Variants in PAG1 observed in about 807,000 individuals in gnomAD.
The protein encoded by PAG1 is phosphoprotein membrane anchor with glycosphingolipid microdomains 1, also known as phosphoprotein associated with glycosphingolipid-enriched microdomains 1.
In PAG1, 23 loss-of-function variants were observed where a neutral mutation model predicts 31.7. That is an observed-to-expected ratio of 0.73 (90% CI 0.52 to 1.03). The LOEUF is 1.03. PAG1 is among the 50% of genes least tolerant of loss of function. The pLI, the probability that PAG1 is intolerant of heterozygous loss-of-function variation, is 0.00. For synonymous variants in PAG1, 214 were observed against 210.3 expected (o/e 1.02, Z -0.15); for missense variants, 473 against 540.7 (o/e 0.87, Z 1.24).
intron 1 of PAG1, among the ~76,000 whole-genome samples, chr8:81,072,183 G>C (rs746607213): frequency 5.9e-5 from 9 of 152,338 alleles, no homozygotes; most frequent in Admixed American, 3.3e-4. Context: ...GGAAACTGTA[G>C]TGTGCTTGTA....
At position 80,969,261 on chromosome 8, in the gene PAG1, G is replaced by A. The variant is rs894136988; in HGVS notation, c.*7283C>T. On this transcript the variant is annotated 3_prime_UTR_variant, in exon 9 of 9. Transcript: ENST00000220597. ...TTAAAAAAAGCAAGCATGCTTAAGG[G>A]ATGGGTCATGAACACCACATCAGGT... 3 of 152,216 alleles carry A rather than the reference G, an allele frequency of 2.0e-5. No individual in the cohort carries two copies. The highest frequency in any genetic ancestry group is 1.9e-4 in the East Asian group (1 of 5,192). 9.4% of individuals were successfully genotyped at this position (152,216 alleles called of 1,614,324 possible).
intron 2 of PAG1, among the ~76,000 whole-genome samples, chr8:81,049,120 T>A (rs1358787512): frequency 6.6e-6 from 1 of 152,212 alleles, no homozygotes; most frequent in Non-Finnish European, 1.5e-5. Context: ...TAATTACACA[T>A]TGAGCAAGAA....
intron 1 of PAG1, among the ~76,000 whole-genome samples, chr8:81,077,847 T>C (rs1166476348): frequency 3.3e-5 from 5 of 152,136 alleles, no homozygotes; most frequent in East Asian, 3.9e-4. Context: ...ATTTCCTAAA[T>C]AAACCCTGGG....
In PAG1 at chr8:80,977,537, G is replaced by A. The variant is rs768696501; in HGVS notation, c.937-631C>T. 5.9e-5 allele frequency among the ~76,000 whole-genome samples: 9 copies of A among 152,320 alleles called. No homozygotes were observed. The South Asian group carries it at 6.2e-4, about 11-fold the overall frequency. On this transcript the variant is annotated intron_variant, in intron 8 of 8. Coordinates refer to ENST00000220597, the MANE Select transcript of PAG1 (RefSeq NM_018440.4). ...CTCCAACACCCGTTGCTGGATTCTC[G>A]TTGGTGGTACACATATATCTGAAAG...
rs925930757 is a variant in PAG1, at chr8:80,975,496, AT to A, written c.*1047del. 1 of 152,222 alleles carries A rather than the reference AT, an allele frequency of 6.6e-6. No homozygotes were observed. Among genetic ancestry groups the A allele is most frequent in the African/African-American group, 2.4e-5 (1 of 41,448 alleles). The allele number at this position is 152,222 out of a possible 1,614,324, so 9.4% of individuals were successfully genotyped here. A position where few individuals can be genotyped will look rare whatever the true frequency, so the allele number is the denominator to read the frequency against. On this transcript the variant is annotated 3_prime_UTR_variant, in exon 9 of 9. Transcript: ENST00000220597. ...TTATAAACTTACATAACAAAAATAA[AT>A]GTTTACATTTTAATCTTAGATTACC... is the stretch of plus-strand genomic sequence containing the variant.
intron 1 of PAG1, among the ~76,000 whole-genome samples, chr8:81,080,255 C>A (rs1016648358): frequency 6.6e-6 from 1 of 151,976 alleles, no homozygotes; most frequent in Non-Finnish European, 1.5e-5. Flanking sequence ...TAGTGACTAG[C>A]CTTCGTAGAT....
chr8:81,060,193 A>C (rs988195961), intron 2 of PAG1, among the ~76,000 whole-genome samples: 3 of 152,254 alleles, frequency 2.0e-5, no homozygotes, highest in Non-Finnish European at 2.9e-5. Flanking sequence ...ACTCATTCTT[A>C]ACTTAGCATT....
At chr8:81,103,368 G>T (rs886485813) in intron 1 of PAG1, among the ~76,000 whole-genome samples, 8 of 152,090 alleles carry the variant, frequency 5.3e-5, no homozygotes, top group African/African-American at 1.7e-4. Flanking sequence ...TGATGGAGTG[G>T]TACGAACCCA....
At chr8:80,980,410 C>CT in intron 8 of PAG1, 25 bp downstream of exon 8, 2 of 1,435,536 alleles carry the variant, frequency 1.4e-6, no homozygotes, top group Non-Finnish European at 2.0e-6. Context: ...ACAGTTTTCC[C>CT]TTTTTAAAAA....
intron 2 of PAG1, among the ~76,000 whole-genome samples, chr8:81,064,174 G>A (rs1014509830): frequency 2.0e-5 from 3 of 152,174 alleles, no homozygotes; most frequent in African/African-American, 4.8e-5. Flanking sequence ...ACCAGGGACC[G>A]GTTTCATGGA....
intron 1 of PAG1, among the ~76,000 whole-genome samples, chr8:81,095,538 C>T (rs972979580): frequency 1.3e-5 from 2 of 152,176 alleles, no homozygotes; most frequent in Non-Finnish European, 2.9e-5. Flanking sequence ...GCTTAAATGT[C>T]TCTTCCTCAG....
At chr8:81,028,569 A>T (rs1186593425) in intron 3 of PAG1, among the ~76,000 whole-genome samples, 1 of 152,214 alleles carries the variant, frequency 6.6e-6, no homozygotes, top group Non-Finnish European at 1.5e-5. Flanking sequence ...GACTTTTTTC[A>T]TGTAACACAG....
At chr8:81,073,423 T>TC (rs1809125677) in intron 1 of PAG1, among the ~76,000 whole-genome samples, 1 of 152,150 alleles carries the variant, frequency 6.6e-6, no homozygotes, top group Non-Finnish European at 1.5e-5. Flanking sequence ...CCCCTCCTGA[T>TC]CCCCAAAGGG....
At chr8:81,109,645 G>C (rs1312900524) in intron 1 of PAG1, among the ~76,000 whole-genome samples, 1 of 152,212 alleles carries the variant, frequency 6.6e-6, no homozygotes, top group African/African-American at 2.4e-5. Flanking sequence ...AGAGTCCAAA[G>C]ATGCATTTCC....
chr8:80,995,761 G>A (rs1807660754), intron 3 of PAG1, among the ~76,000 whole-genome samples: 1 of 152,180 alleles, frequency 6.6e-6, no homozygotes, highest in South Asian at 2.1e-4. Flanking sequence ...GAAACCTAGT[G>A]TGGAATCGCC....
At chr8:81,068,971 G>C (rs1354640800) in intron 2 of PAG1, among the ~76,000 whole-genome samples, 2 of 152,198 alleles carry the variant, frequency 1.3e-5, no homozygotes, top group Admixed American at 1.3e-4. Flanking sequence ...AAATGCATTA[G>C]AGAAAATGTC....
intron 1 of PAG1, among the ~76,000 whole-genome samples, chr8:81,074,196 A>C (rs1162463903): frequency 1.3e-5 from 2 of 152,230 alleles, no homozygotes; most frequent in Non-Finnish European, 2.9e-5. Flanking sequence ...GGACCCACTG[A>C]GACGAAAGTG....
intron 1 of PAG1, among the ~76,000 whole-genome samples, chr8:81,089,243 G>A (rs1809407451): frequency 1.3e-5 from 2 of 152,136 alleles, no homozygotes; most frequent in Non-Finnish European, 2.9e-5. Flanking sequence ...TCAGGCAGAC[G>A]CTGTGCATGC....
At position 80,971,092 on chromosome 8, in the gene PAG1, A is replaced by C. The variant is rs1352030864; in HGVS notation, c.*5452T>G. Reference sequence around the variant, plus strand: ...CCGGGGAGGGAAAAGTAATCACAAAATGTTCAAGCTAATAAGAGATATTTT... The same window carrying C: ...CCGGGGAGGGAAAAGTAATCACAAACTGTTCAAGCTAATAAGAGATATTTT... On this transcript the variant is annotated 3_prime_UTR_variant, in exon 9 of 9. Coordinates refer to ENST00000220597, the MANE Select transcript of PAG1 (RefSeq NM_018440.4). 6.6e-6 allele frequency: 1 copy of C among 152,252 alleles called. No individual in the cohort carries two copies. Among genetic ancestry groups the C allele is most frequent in the Non-Finnish European group, 1.5e-5 (1 of 68,050 alleles). The allele number at this position is 152,252 out of a possible 1,614,324, so 9.4% of individuals were successfully genotyped here.
Sources: allele counts gnomAD v4.1 joint callset (sites outside exome capture counted in the v4.1 genomes callset), GRCh38; gene constraint gnomAD v4.1.1; transcripts MANE v1.5; gene names NCBI Gene and HGNC (gene_info 2026-07-23, HGNC 2026-07-21).